ROS1: variants seen among roughly 807,000 people sequenced by gnomAD.
The protein encoded by ROS1 is ROS proto-oncogene 1, receptor tyrosine kinase, also known as proto-oncogene tyrosine-protein kinase ROS.
A neutral mutation model predicts 273.5 loss-of-function variants in ROS1; 263 were observed. The ratio of observed to expected loss-of-function variants is 0.96; its 90% CI spans 0.87 to 1.06. The LOEUF is 1.06. Ranked by LOEUF, ROS1 falls within the 50% of genes least tolerant of loss-of-function variation. The probability of loss-of-function intolerance (pLI) is 0.00; values close to 1 mark genes in which losing one functional copy is unlikely to be tolerated. For synonymous variants in ROS1, 1,008 were observed against 954.1 expected (o/e 1.06, Z -1.04); for missense variants, 2,833 against 2,751.1 (o/e 1.03, Z -0.67).
At chr6:117,400,333 T>C (rs896206212) in intron 7 of ROS1, among the ~76,000 whole-genome samples, 5 of 152,240 alleles carry the variant, frequency 3.3e-5, no homozygotes, top group African/African-American at 7.2e-5. Flanking sequence ...TACCTTACTA[T>C]GAGGTTAGTT....
intron 1 of ROS1, 65 bp from the exon 2 acceptor site, chr6:117,418,571 CT>C: frequency 2.4e-6 from 3 of 1,228,550 alleles, no homozygotes; most frequent in East Asian, 2.6e-5. Flanking sequence ...ACTAACACAC[CT>C]TTTAAAAAAG....
At chr6:117,339,069 T>C (rs144293328) in intron 31 of ROS1, among the ~76,000 whole-genome samples, 26 of 152,270 alleles carry the variant, frequency 1.7e-4, no homozygotes, top group African/African-American at 5.5e-4. Context: ...CTGTTGTGAG[T>C]TTCTTGTATT....
At chr6:117,424,445 CTT>C (rs1393826503) in intron 1 of ROS1, among the ~76,000 whole-genome samples, 1 of 151,680 alleles carries the variant, frequency 6.6e-6, no homozygotes, top group Admixed American at 6.6e-5. Flanking sequence ...AATGTATACT[CTT>C]ATTATAATTA....
At position 117,301,041 on chromosome 6, in the gene ROS1, G is replaced by GA; in HGVS notation, c.6647dup (p.Asn2218LysfsTer2). 6.2e-7 allele frequency: 1 copy of GA among 1,606,310 alleles called. No homozygotes were observed. The highest frequency in any genetic ancestry group is 8.5e-7 in the Non-Finnish European group (1 of 1,176,886). On this transcript the variant is annotated frameshift_variant, in exon 43 of 44. Transcript: ENST00000368507. LOFTEE classifies it high-confidence loss of function. ...CTCTGGACTTATAAATGCTATTTAA[G>GA]AAAAAATTTCTGAATAACTGAAGTT...
At chr6:117,404,749 G>A (rs1321802) in intron 5 of ROS1, among the ~76,000 whole-genome samples, 1 of 151,962 alleles carries the variant, frequency 6.6e-6, no homozygotes, top group Non-Finnish European at 1.5e-5. Flanking sequence ...TCTTACAGGC[G>A]GGGGGAGCCA....
rs559549015 is a variant in ROS1 at position 117,321,161 on chromosome 6, C to T, written c.5759+98G>A. Reference sequence around the variant, plus strand: ...ATTATGCCAGAAAAACTGGTATAAACCATGACTGTCTTGGGCAATGCGGAA... The same window carrying T: ...ATTATGCCAGAAAAACTGGTATAAATCATGACTGTCTTGGGCAATGCGGAA... On this transcript the variant is annotated intron_variant, in intron 36 of 43. Transcript: ENST00000368507. 8 of 1,306,006 alleles carry T rather than the reference C, an allele frequency of 6.1e-6. No homozygotes were observed. The South Asian group carries it at 1.5e-4, about 24-fold the overall frequency. The allele number at this position is 1,306,006 out of a possible 1,614,324, so 80.9% of individuals were successfully genotyped here. A position where few individuals can be genotyped will look rare whatever the true frequency, so the allele number is the denominator to read the frequency against.
Position 117,311,081 on chromosome 6 carries a change from C to T in ROS1, c.6154G>A (p.Asp2052Asn), listed in dbSNP as rs772539932. ...GPLLTLVDLV[D>N]LCVDISKGCV... Reference sequence around the variant, plus strand: ...CCTTTTGAAATATCTACACACAGGTCTACAAGGTCAACCAAGGTGAGTAAA... The same window carrying T: ...CCTTTTGAAATATCTACACACAGGTTTACAAGGTCAACCAAGGTGAGTAAA... The change falls in exon 40 of 44, where the codon GAC becomes AAC. Residue 2052 changes from aspartate (D) to asparagine (N), a missense_variant. Coordinates refer to ENST00000368507, the MANE Select transcript of ROS1 (RefSeq NM_001378902.1). The T allele has an allele frequency of 1.9e-6, 3 of 1,610,296 alleles. No individual in the cohort carries two copies. In the South Asian group the frequency reaches 3.3e-5, roughly 18 times the overall value.
chr6:117,349,135 AT>A (rs546822154), intron 27 of ROS1, among the ~76,000 whole-genome samples: 2 of 151,298 alleles, frequency 1.3e-5, no homozygotes, highest in African/African-American at 2.4e-5. Context: ...ATCCTTAGTG[AT>A]TTTTTTTCTG....
intron 18 of ROS1, among the ~76,000 whole-genome samples, chr6:117,369,571 C>CAA (rs902491761): frequency 2.1e-5 from 3 of 142,580 alleles, no homozygotes; most frequent in African/African-American, 7.7e-5. Flanking sequence ...GACTCCATCT[C>CAA]AAAAAAAAAA....
chr6:117,414,120 A>G (rs759251708), intron 4 of ROS1, among the ~76,000 whole-genome samples: 26 of 152,336 alleles, frequency 1.7e-4, no homozygotes, highest in Non-Finnish European at 3.4e-4. Context: ...ATAGAGCACT[A>G]TACATTGTGG....
At chr6:117,340,625 T>C (rs892384375) in intron 31 of ROS1, among the ~76,000 whole-genome samples, 1 of 152,154 alleles carries the variant, frequency 6.6e-6, no homozygotes, top group African/African-American at 2.4e-5. Context: ...TGCTTCCTTA[T>C]TGGTTAAAGC....
chr6:117,383,410 G>C lies in ROS1; in HGVS notation c.2388C>G (p.Leu796=). 2 of 1,613,968 alleles carry C rather than the reference G, an allele frequency of 1.2e-6. No homozygotes were observed. The highest frequency in any genetic ancestry group is 1.7e-6 in the Non-Finnish European group (2 of 1,179,866). ...CCACTGAATAGAGTGTGGTCCAGTA[G>C]AGATATCCACCAACTGAATCCACCA... The part of the protein sequence containing the change: ...DMVVDSVGGY[L]YWTTLYSVES... Residue 796 remains leucine (L), a synonymous_variant, in exon 17 of 44, where the codon CTC becomes CTG. Transcript: ENST00000368507.
At chr6:117,336,167 A>AT (rs1160466492) in intron 32 of ROS1, among the ~76,000 whole-genome samples, 5 of 151,966 alleles carry the variant, frequency 3.3e-5, no homozygotes, top group African/African-American at 1.2e-4. Flanking sequence ...TTTTTTTCAA[A>AT]TTTTTTTATT....
chr6:117,375,201 C>A (rs1489740755), intron 18 of ROS1, among the ~76,000 whole-genome samples: 4 of 152,056 alleles, frequency 2.6e-5, no homozygotes, highest in Non-Finnish European at 4.4e-5. Context: ...AATGGAAAAC[C>A]AAAAAGTACA....
At position 117,387,936 on chromosome 6, in the gene ROS1, G is replaced by C. The variant is rs1234303360; in HGVS notation, c.1843C>G (p.Pro615Ala). The stretch of plus-strand genomic sequence containing the variant: ...TTCAAGAAAATATGAGTGACTTCAG[G>C]AGGGTCTTGGGTGGATACTTTCACC... ...YEVKVSTQDP[P>A]EVTHIFLNIS... The change falls in exon 14 of 44, where the codon CCT (proline) becomes GCT (alanine). Residue 615 changes from proline (P) to alanine (A), a missense_variant. Transcript: ENST00000368507. 6 of 1,614,060 alleles carry C rather than the reference G, an allele frequency of 3.7e-6. No homozygotes were observed. Among genetic ancestry groups the C allele is most frequent in the Non-Finnish European group, 3.4e-6 (4 of 1,180,034 alleles).
At chr6:117,380,924 C>G (rs1316046295) in intron 17 of ROS1, among the ~76,000 whole-genome samples, 1 of 152,054 alleles carries the variant, frequency 6.6e-6, no homozygotes, top group Non-Finnish European at 1.5e-5. Context: ...TTGGGCCTTT[C>G]TATAAATAAT....
chr6:117,397,267 G>A, intron 7 of ROS1, 151 bp from the exon 8 acceptor site: 1 of 615,896 alleles, frequency 1.6e-6, no homozygotes, highest in Non-Finnish European at 2.8e-6. Flanking sequence ...TAGAGGAAAG[G>A]TGGTAAGATG....
intron 17 of ROS1, among the ~76,000 whole-genome samples, chr6:117,382,786 C>T (rs1358645453): frequency 6.6e-6 from 1 of 151,976 alleles, no homozygotes; most frequent in Non-Finnish European, 1.5e-5. Flanking sequence ...CTCATGAATA[C>T]TCTCATATAA....
At chr6:117,309,049 C>G (rs899947403) in intron 41 of ROS1, 121 bp from the exon 42 acceptor site, 3 of 904,128 alleles carry the variant, frequency 3.3e-6, no homozygotes, top group Non-Finnish European at 4.9e-6. Context: ...TATTATTGGC[C>G]TCATAAAAGG....
Sources: gnomAD v4.1 joint callset for allele counts (sites outside exome capture counted in the v4.1 genomes callset) on GRCh38, gnomAD v4.1.1 for gene constraint, MANE v1.5 for transcripts, NCBI Gene and HGNC (gene_info 2026-07-23, HGNC 2026-07-21) for gene names.